The following ARHGEF28 variants were observed in gnomAD, a reference collection of about 807,000 sequenced individuals.
ARHGEF28 encodes 190 kDa guanine nucleotide exchange factor.
In ARHGEF28, 152 loss-of-function variants were observed where a neutral mutation model predicts 206.6. That is an observed-to-expected ratio of 0.74 (90% CI 0.64 to 0.84). The LOEUF is 0.84. Among genes scored for constraint, ARHGEF28 ranks in the 40% least tolerant of loss-of-function variants. The pLI is 0.00. For missense variants in ARHGEF28, 2,028 were observed against 2,073.2 expected, an observed-to-expected ratio of 0.98 and a Z score of 0.42; for synonymous variants, 763 against 776.4, an observed-to-expected ratio of 0.98 and a Z score of 0.29.
chr5:73,676,355 C>A (rs1746688213), intron 1 of ARHGEF28, among the ~76,000 whole-genome samples: 1 of 152,070 alleles, frequency 6.6e-6, no homozygotes, highest in Admixed American at 6.6e-5. Context: ...CCTGCCTCAG[C>A]CTCCCAAGTA....
At chr5:73,928,903 C>T (rs1281981953) in intron 35 of ARHGEF28, among the ~76,000 whole-genome samples, 2 of 152,074 alleles carry the variant, frequency 1.3e-5, no homozygotes, top group Non-Finnish European at 2.9e-5. Context: ...TTTAATTCAG[C>T]GCGCTCAGAA....
At chr5:73,819,571 T>C (rs1470144694) in intron 9 of ARHGEF28, among the ~76,000 whole-genome samples, 5 of 152,290 alleles carry the variant, frequency 3.3e-5, no homozygotes, top group African/African-American at 1.2e-4. Context: ...GCTGGATAGA[T>C]TGGAGTGAAA....
chr5:73,773,303 T>A (rs1228899949), intron 4 of ARHGEF28, among the ~76,000 whole-genome samples: 2 of 152,268 alleles, frequency 1.3e-5, no homozygotes, highest in East Asian at 3.9e-4. Context: ...ATTGACATAA[T>A]CTCAGGGATT....
chr5:73,677,825 A>G (rs1561327493), intron 1 of ARHGEF28, among the ~76,000 whole-genome samples: 2 of 152,212 alleles, frequency 1.3e-5, no homozygotes, highest in South Asian at 4.1e-4. Context: ...TTTATGTCCC[A>G]AGAAACATTT....
intron 7 of ARHGEF28, among the ~76,000 whole-genome samples, chr5:73,784,828 A>G (rs540393334): frequency 6.6e-6 from 1 of 152,360 alleles, no homozygotes; most frequent in East Asian, 1.9e-4. Flanking sequence ...TAGAACAATT[A>G]TAACAATATG....
rs541185853 is a variant in ARHGEF28 at position 73,870,709 on chromosome 5, C to T, written c.2566+500C>T. ...CCTGGGTTAGGGCAGGGTTTGACTA[C>T]GTGCTGCCATCCTGAGTACAGAATT... is the stretch of plus-strand genomic sequence containing the variant. On this transcript the variant is annotated intron_variant, in intron 21 of 35. Transcript: ENST00000513042. Among the ~76,000 whole-genome samples, 8 of 152,282 alleles carry T rather than the reference C, an allele frequency of 5.3e-5. No individual in the cohort carries two copies. The South Asian group carries it at 1.2e-3, about 24-fold the overall frequency.
At chr5:73,886,608 G>C (rs1761315929) in intron 25 of ARHGEF28, among the ~76,000 whole-genome samples, 1 of 152,170 alleles carries the variant, frequency 6.6e-6, no homozygotes, top group Non-Finnish European at 1.5e-5. Context: ...TTGCTAACTG[G>C]CATGAACTTG....
chr5:73,832,829 A>C (rs1757384126), intron 10 of ARHGEF28, among the ~76,000 whole-genome samples: 1 of 152,256 alleles, frequency 6.6e-6, no homozygotes, highest in South Asian at 2.1e-4. Context: ...ATTTGTATTC[A>C]AATCCAGCAA....
At chr5:73,684,784 G>T in intron 1 of ARHGEF28, 57 bp from the exon 2 acceptor site, 1 of 1,511,194 alleles carries the variant, frequency 6.6e-7, no homozygotes, top group South Asian at 1.2e-5. Context: ...GAGCTCTGCT[G>T]GTCGGTTCCA....
At chr5:73,650,636 T>A (rs1744754453) in intron 1 of ARHGEF28, among the ~76,000 whole-genome samples, 1 of 151,816 alleles carries the variant, frequency 6.6e-6, no homozygotes, top group Non-Finnish European at 1.5e-5. Context: ...TTCTTCTTCC[T>A]TCTTCTTAAT....
intron 9 of ARHGEF28, among the ~76,000 whole-genome samples, chr5:73,829,101 G>C (rs1374553938): frequency 6.6e-6 from 1 of 152,234 alleles, no homozygotes; most frequent in Non-Finnish European, 1.5e-5. Flanking sequence ...GATTACAGGT[G>C]TGTGAGCCAC....
At chr5:73,868,810 C>A (rs1447753297) in intron 20 of ARHGEF28, among the ~76,000 whole-genome samples, 4 of 152,226 alleles carry the variant, frequency 2.6e-5, no homozygotes, top group East Asian at 1.9e-4. Flanking sequence ...CCACCCCCAG[C>A]TAATTTTTGT....
Position 73,847,946 on chromosome 5 carries a change from C to G in ARHGEF28, c.1636-1030C>G, listed in dbSNP as rs145143379. Among the ~76,000 whole-genome samples, 380 of 152,298 alleles carry G rather than the reference C, an allele frequency of 2.5e-3. 1 individual carries two copies. The highest frequency in any genetic ancestry group is 3.0e-3 in the Non-Finnish European group (207 of 68,018). ...GAAGCAAGGTTAGGCTTCCATTTTT[C>G]AACTTTCCTCCAGGCTCCTTAACTA... is the stretch of plus-strand genomic sequence containing the variant. On this transcript the variant is annotated intron_variant, in intron 12 of 35. Transcript: ENST00000513042.
intron 9 of ARHGEF28, among the ~76,000 whole-genome samples, chr5:73,829,540 C>T (rs1468957891): frequency 3.9e-5 from 6 of 152,010 alleles, no homozygotes; most frequent in South Asian, 2.1e-4. Flanking sequence ...CCACCATGCC[C>T]GGCTAATTTT....
chr5:73,787,096 T>C (rs1014869750), intron 7 of ARHGEF28, among the ~76,000 whole-genome samples: 1 of 152,242 alleles, frequency 6.6e-6, no homozygotes, highest in African/African-American at 2.4e-5. Flanking sequence ...TGAGACACTC[T>C]AGCTCAAGGG....
At chr5:73,848,292 G>C (rs1441585742) in intron 12 of ARHGEF28, among the ~76,000 whole-genome samples, 1 of 151,978 alleles carries the variant, frequency 6.6e-6, no homozygotes, top group African/African-American at 2.4e-5. Flanking sequence ...ATAATAATAG[G>C]AATAATAAGT....
chr5:73,938,166 A>ACACACACG (rs1764525466), intron 35 of ARHGEF28, among the ~76,000 whole-genome samples: 4 of 136,254 alleles, frequency 2.9e-5, no homozygotes, highest in African/African-American at 9.7e-5. Context: ...TACACCACAC[A>ACACACACG]CACACACACA....
chr5:73,761,997 A>ATTTTT (rs36121449), intron 4 of ARHGEF28, among the ~76,000 whole-genome samples: 10 of 137,992 alleles, frequency 7.2e-5, no homozygotes, highest in African/African-American at 2.7e-4. Context: ...CAACTGGGTA[A>ATTTTT]TTTTTTTTTT....
chr5:73,746,417 A>G (rs1751720408), intron 2 of ARHGEF28, among the ~76,000 whole-genome samples: 1 of 152,094 alleles, frequency 6.6e-6, no homozygotes, highest in African/African-American at 2.4e-5. Context: ...GTATGTATTA[A>G]TGTATTATGC....
Sources: allele counts gnomAD v4.1 joint callset (sites outside exome capture counted in the v4.1 genomes callset), GRCh38; gene constraint gnomAD v4.1.1; transcripts MANE v1.5; gene names NCBI Gene and HGNC (gene_info 2026-07-23, HGNC 2026-07-21).